Variants in ST6GALNAC6 observed in about 807,000 individuals in gnomAD.
The protein encoded by ST6GALNAC6 is ST6 N-acetylgalactosaminide alpha-2,6-sialyltransferase 6.
Under a neutral mutation model 34.3 loss-of-function variants are expected in ST6GALNAC6, and 19 were observed. That is an observed-to-expected ratio of 0.55 (90% CI 0.39 to 0.81). ST6GALNAC6 has a LOEUF of 0.81. ST6GALNAC6 is among the 40% of genes least tolerant of loss of function. The probability of loss-of-function intolerance (pLI) is 0.00; values close to 1 mark genes in which losing one functional copy is unlikely to be tolerated. For synonymous variants in ST6GALNAC6, 185 were observed against 182.1 expected (o/e 1.02, Z -0.13); for missense variants, 377 against 467.7 (o/e 0.81, Z 1.79).
In ST6GALNAC6 at chr9:127,896,340, C is replaced by T. The variant is rs1326594645; in HGVS notation, c.27-8G>A. 1 of 1,606,704 alleles carries T rather than the reference C, an allele frequency of 6.2e-7. No individual in the cohort carries two copies. The highest frequency in any genetic ancestry group is 1.1e-5 in the South Asian group (1 of 90,026). On this transcript the variant is annotated splice_region_variant and splice_polypyrimidine_tract_variant and intron_variant, in intron 2 of 6. Coordinates refer to ENST00000373146, the MANE Select transcript of ST6GALNAC6 (RefSeq NM_013443.5). ...AGGGATGTGGGTTCACACCTGCAAGCCACCAGAAAGGGTTATTATGGCTTC... is the reference window on the plus strand; with the variant it reads ...AGGGATGTGGGTTCACACCTGCAAGTCACCAGAAAGGGTTATTATGGCTTC...
intron 3 of ST6GALNAC6, among the ~76,000 whole-genome samples, chr9:127,894,925 G>C (rs1424138709): frequency 6.6e-6 from 1 of 152,180 alleles, no homozygotes; most frequent in Non-Finnish European, 1.5e-5. Context: ...GACTAGGTCA[G>C]CCTTGCTCCC....
upstream of ST6GALNAC6, chr9:127,904,358 C>T (rs113052891): frequency 1.2e-3 from 179 of 152,566 alleles, 1 homozygote; most frequent in South Asian, 7.2e-3. Flanking sequence ...GCCTCCCCCC[C>T]CCAGCCCTTC....
At position 127,886,647 on chromosome 9, in the gene ST6GALNAC6, C is replaced by T; in HGVS notation, c.954G>A (p.Ser318=). 2 of 1,613,946 alleles carry T rather than the reference C, an allele frequency of 1.2e-6. No individual in the cohort carries two copies. Among genetic ancestry groups the T allele is most frequent in the Non-Finnish European group, 1.7e-6 (2 of 1,179,992 alleles). Residue 318 remains serine (S), a synonymous_variant, in exon 7 of 7, where the codon TCG becomes TCA. Coordinates refer to ENST00000373146, the MANE Select transcript of ST6GALNAC6 (RefSeq NM_013443.5). ...AGGTGATGCCATACAGCTGGGCCCACGATGAGAAGACCCTTTTCTCGGTGA... is the reference window on the plus strand; with the variant it reads ...AGGTGATGCCATACAGCTGGGCCCATGATGAGAAGACCCTTTTCTCGGTGA... ...RFITEKRVFS[S]WAQLYGITFS... is the part of the protein sequence containing the mutation.
chr9:127,887,224 G>C (rs1417635917), intron 6 of ST6GALNAC6, among the ~76,000 whole-genome samples: 1 of 152,098 alleles, frequency 6.6e-6, no homozygotes, highest in African/African-American at 2.4e-5. Flanking sequence ...TCAGTATTCA[G>C]TAAAGTATAG....
chr9:127,887,497 G>C lies in ST6GALNAC6; in HGVS notation c.799C>G (p.Pro267Ala). 2 of 1,611,924 alleles carry C rather than the reference G, an allele frequency of 1.2e-6. No homozygotes were observed. Among genetic ancestry groups the C allele is most frequent in the Admixed American group, 1.7e-5 (1 of 59,778 alleles). Residue 267 changes from proline to alanine, a missense_variant, in exon 6 of 7, where the codon CCC becomes GCC. By Grantham distance (27) the Pro-to-Ala change is conservative (BLOSUM62 -1). Transcript: ENST00000373146. ...AGGAGGGCTCACCTGCAGTAGTTGG[G>C]GGGGACCATGCCATAGACATGCACG... ...DHVHVYGMVP[P>A]NYCSQRPRLQ...
rs780084984 is a variant in ST6GALNAC6, at chr9:127,886,541, C to A, written c.*58G>T. The stretch of plus-strand genomic sequence containing the variant: ...GGCCAGAAGATGGTCCCTGGCCTAG[C>A]GGCTGGGCGGAGGCTGCTTCTCCTC... On this transcript the variant is annotated 3_prime_UTR_variant, in exon 7 of 7. Transcript: ENST00000373146. 2 of 1,597,936 alleles carry A rather than the reference C, an allele frequency of 1.3e-6. No individual in the cohort carries two copies. Among genetic ancestry groups the A allele is most frequent in the East Asian group, 4.5e-5 (2 of 44,720 alleles).
At chr9:127,887,715 C>G in intron 5 of ST6GALNAC6, 124 bp from the exon 6 acceptor site, 1 of 743,080 alleles carries the variant, frequency 1.3e-6, no homozygotes, top group African/African-American at 1.7e-5. Flanking sequence ...CCCACTCCCA[C>G]TTTGGTTACC....
chr9:127,901,002 A>C (rs1197861678), upstream of ST6GALNAC6, among the ~76,000 whole-genome samples: 3 of 149,804 alleles, frequency 2.0e-5, no homozygotes, highest in South Asian at 2.1e-4. Flanking sequence ...AAAAAAAAAA[A>C]AAAAAAAAAA....
chr9:127,886,587 A>G lies in ST6GALNAC6; in HGVS notation c.*12T>C. The stretch of plus-strand genomic sequence containing the variant: ...TCCTCTGACCCTCCTGAGGTCCCAC[A>G]GGCTGGGTGGCCTAGGTCCAGGAGG... On this transcript the variant is annotated 3_prime_UTR_variant, in exon 7 of 7. Coordinates refer to ENST00000373146, the MANE Select transcript of ST6GALNAC6 (RefSeq NM_013443.5). 1 of 1,613,192 alleles carries G rather than the reference A, an allele frequency of 6.2e-7. No homozygotes were observed. Among genetic ancestry groups the G allele is most frequent in the Non-Finnish European group, 8.5e-7 (1 of 1,179,698 alleles).
intron 2 of ST6GALNAC6, chr9:127,897,034 G>T: frequency 2.2e-6 from 2 of 899,962 alleles, no homozygotes; most frequent in Non-Finnish European, 2.7e-6. Context: ...GACAGTCTCT[G>T]CCAGGGCTGA....
In ST6GALNAC6 at chr9:127,899,545, C is replaced by G. The variant is rs1197024059; in HGVS notation, c.-72G>C. Reference sequence around the variant, plus strand: ...CGGCCCCCCGCGGCCCCCGAGCCCCCTCACATGGCGCCGGGAGCCGAGCGC... The same window carrying G: ...CGGCCCCCCGCGGCCCCCGAGCCCCGTCACATGGCGCCGGGAGCCGAGCGC... On this transcript the variant is annotated 5_prime_UTR_variant, in exon 1 of 7. Transcript: ENST00000373146. 9 of 980,968 alleles carry G rather than the reference C, an allele frequency of 9.2e-6. No individual in the cohort carries two copies. Among genetic ancestry groups the G allele is most frequent in the Non-Finnish European group, 9.7e-6 (8 of 828,182 alleles). 60.8% of individuals were successfully genotyped at this position (980,968 alleles called of 1,614,324 possible). A position where few individuals can be genotyped will look rare whatever the true frequency, so the allele number is the denominator to read the frequency against.
chr9:127,892,584 A>G (rs1168138827), intron 4 of ST6GALNAC6, among the ~76,000 whole-genome samples: 1 of 152,214 alleles, frequency 6.6e-6, no homozygotes, highest in Non-Finnish European at 1.5e-5. Context: ...CTTTCTGTCA[A>G]GCTGTAGGCA....
intron 4 of ST6GALNAC6, among the ~76,000 whole-genome samples, chr9:127,891,314 A>G (rs1830120740): frequency 6.6e-6 from 1 of 152,186 alleles, no homozygotes; most frequent in South Asian, 2.1e-4. Flanking sequence ...CCAGGAAAAA[A>G]AAAGAAAATA....
Position 127,886,773 on chromosome 9 carries a change from G to C in ST6GALNAC6, c.828C>G (p.Leu276=), listed in dbSNP as rs771205713. 2.5e-6 allele frequency: 4 copies of C among 1,609,198 alleles called. No homozygotes were observed. The South Asian group carries it at 3.3e-5, about 13-fold the overall frequency. The change falls in exon 7 of 7, where the codon CTC becomes CTG. Residue 276 remains leucine (L), a synonymous_variant. Transcript: ENST00000373146. ...PPNYCSQRPR[L]QRMPYHYYEP... ...CGTAGTAGTGGTAGGGCATGCGCTGGAGGCGGGGCCGCTGGCTGGGACAGA... is the reference window on the plus strand; with the variant it reads ...CGTAGTAGTGGTAGGGCATGCGCTGCAGGCGGGGCCGCTGGCTGGGACAGA...
chr9:127,886,720 G>A lies in ST6GALNAC6; in HGVS notation c.881C>T (p.Thr294Ile), dbSNP rs766899249. 5 of 1,613,972 alleles carry A rather than the reference G, an allele frequency of 3.1e-6. No individual in the cohort carries two copies. Among genetic ancestry groups the A allele is most frequent in the African/African-American group, 1.3e-5 (1 of 74,936 alleles). The change falls in exon 7 of 7, where the codon ACC (threonine) becomes ATC (isoleucine). Residue 294 changes from threonine to isoleucine, a missense_variant. By Grantham distance (89) the Thr-to-Ile change is moderately conservative. Transcript: ENST00000373146. ...YEPKGPDECV[T>I]YIQNEHSRKG... Reference sequence around the variant, plus strand: ...GCGACTGTGCTCATTCTGGATGTAGGTGACACATTCGTCCGGCCCCTTGGG... The same window carrying A: ...GCGACTGTGCTCATTCTGGATGTAGATGACACATTCGTCCGGCCCCTTGGG...
chr9:127,899,457 C>CCCA, intron 1 of ST6GALNAC6, 46 bp downstream of exon 1: 1 of 883,130 alleles, frequency 1.1e-6, no homozygotes, highest in Non-Finnish European at 1.4e-6. Context: ...CAGCCCCCGC[C>CCCA]TCCGCCCCCG....
intron 4 of ST6GALNAC6, among the ~76,000 whole-genome samples, chr9:127,891,776 G>C (rs1424655008): frequency 7.3e-6 from 1 of 136,184 alleles, no homozygotes; most frequent in Non-Finnish European, 1.6e-5. Flanking sequence ...GGACAGAGAG[G>C]GGGGAGAGGG....
At chr9:127,896,098 A>T (rs1830434657) in intron 3 of ST6GALNAC6, 144 bp downstream of exon 3, 1 of 952,380 alleles carries the variant, frequency 1.0e-6, no homozygotes, top group Non-Finnish European at 1.6e-6. Flanking sequence ...ACCAGGGCTT[A>T]AATCTGGGCC....
At chr9:127,899,455 G>C in intron 1 of ST6GALNAC6, 48 bp downstream of exon 1, 381 of 325,678 alleles carry the variant, frequency 1.2e-3, no homozygotes, top group Middle Eastern at 4.6e-3. Context: ...CCCAGCCCCC[G>C]CCTCCGCCCC....
Sources: gnomAD v4.1 joint callset for allele counts (sites outside exome capture counted in the v4.1 genomes callset) on GRCh38, gnomAD v4.1.1 for gene constraint, MANE v1.5 for transcripts, NCBI Gene and HGNC (gene_info 2026-07-23, HGNC 2026-07-21) for gene names.